Variants in EMCN observed in about 807,000 individuals in gnomAD.
EMCN encodes the protein endomucin.
EMCN carries 37 observed loss-of-function variants against 38.4 expected under a neutral mutation model. The ratio of observed to expected loss-of-function variants is 0.96; its 90% CI spans 0.74 to 1.27. The LOEUF is 1.27. Ranked by LOEUF, EMCN falls within the 50% of genes most tolerant of loss-of-function variation. The pLI is 0.00. For synonymous variants in EMCN, 95 were observed against 100.8 expected (o/e 0.94, Z 0.35); for missense variants, 318 against 302.8 (o/e 1.05, Z -0.37).
intron 1 of EMCN, among the ~76,000 whole-genome samples, chr4:100,505,748 C>G (rs1729465251): frequency 6.6e-6 from 1 of 152,054 alleles, no homozygotes; most frequent in Non-Finnish European, 1.5e-5. Flanking sequence ...TACTCTGCTC[C>G]CAGTACAGTT....
chr4:100,492,416 AC>A (rs1347536178), intron 1 of EMCN, among the ~76,000 whole-genome samples: 11 of 152,166 alleles, frequency 7.2e-5, no homozygotes, highest in African/African-American at 2.7e-4. Flanking sequence ...CCATTAAGAG[AC>A]CAAACATACA....
rs1726948543 is a variant in EMCN at position 100,423,409 on chromosome 4, A to G, written c.416-5T>C. 3.1e-6 allele frequency: 5 copies of G among 1,599,428 alleles called. No individual in the cohort carries two copies. Among genetic ancestry groups the G allele is most frequent in the Non-Finnish European group, 4.3e-6 (5 of 1,167,080 alleles). On this transcript the variant is annotated splice_polypyrimidine_tract_variant and splice_region_variant and intron_variant, in intron 5 of 11. Transcript: ENST00000296420. Reference sequence around the variant, plus strand: ...CATCTGGTTGTAGAACACTACCTGTATGAAAATTACAAATGCAGAATCAGG... The same window carrying G: ...CATCTGGTTGTAGAACACTACCTGTGTGAAAATTACAAATGCAGAATCAGG...
rs745411801 is a variant in EMCN, at chr4:100,421,388, TTGGAGACATTGTCAATTAGAG to T, written c.569-32_569-12del. On this transcript the variant is annotated splice_polypyrimidine_tract_variant and intron_variant, in intron 7 of 11. Coordinates refer to ENST00000296420, the MANE Select transcript of EMCN (RefSeq NM_016242.4). ...CCGGCAAAATAATACCTAAAAAGAA[TTGGAGACATTGTCAATTAGAG>T]TGGCTACTGAATTTCACAGCGATAG... 1 of 1,604,646 alleles carries T rather than the reference TTGGAGACATTGTCAATTAGAG, an allele frequency of 6.2e-7. No individual in the cohort carries two copies. Among genetic ancestry groups the T allele is most frequent in the African/African-American group, 1.3e-5 (1 of 74,686 alleles).
At chr4:100,436,438 T>C (rs1727354903) in intron 5 of EMCN, among the ~76,000 whole-genome samples, 1 of 152,176 alleles carries the variant, frequency 6.6e-6, no homozygotes, top group Non-Finnish European at 1.5e-5. Context: ...TCAACCATTG[T>C]GGAAGACAGT....
intron 5 of EMCN, among the ~76,000 whole-genome samples, chr4:100,427,274 A>G (rs1727075232): frequency 6.6e-6 from 1 of 151,138 alleles, no homozygotes; most frequent in Non-Finnish European, 1.5e-5. Flanking sequence ...TCTTTTTAAT[A>G]TTTCTTTTTA....
chr4:100,436,241 T>C (rs548097054), intron 5 of EMCN, among the ~76,000 whole-genome samples: 1 of 152,006 alleles, frequency 6.6e-6, no homozygotes, highest in Non-Finnish European at 1.5e-5. Context: ...AAGACATTCA[T>C]GCAGTCAACA....
chr4:100,424,467 T>C (rs2110220832), intron 5 of EMCN, among the ~76,000 whole-genome samples: 1 of 152,204 alleles, frequency 6.6e-6, no homozygotes, highest in Admixed American at 6.5e-5. Flanking sequence ...ATTGAGGCCA[T>C]GTATAATTGC....
Position 100,469,382 on chromosome 4 carries a change from G to A in EMCN, c.260-3843C>T, listed in dbSNP as rs561127604. Among the ~76,000 whole-genome samples, 4 of 152,138 alleles carry A rather than the reference G, an allele frequency of 2.6e-5. No homozygotes were observed. The South Asian group carries it at 8.3e-4, about 32-fold the overall frequency. On this transcript the variant is annotated intron_variant, in intron 3 of 11. Transcript: ENST00000296420. ...GGTATGGCCTCAGCAATTATTTTTG[G>A]ATATTACATCAAAAGCTCAGCTACA...
At chr4:100,455,626 A>C (rs1459660502) in intron 4 of EMCN, among the ~76,000 whole-genome samples, 1 of 150,424 alleles carries the variant, frequency 6.6e-6, no homozygotes, top group Non-Finnish European at 1.5e-5. Context: ...TTAATGTATA[A>C]TTTTTTTCAA....
intron 5 of EMCN, among the ~76,000 whole-genome samples, chr4:100,441,038 C>A (rs992177005): frequency 2.6e-5 from 4 of 151,462 alleles, no homozygotes; most frequent in Non-Finnish European, 5.9e-5. Context: ...CAGTGAGCTG[C>A]GATTGTGCCA....
chr4:100,424,900 G>T (rs1215445438), intron 5 of EMCN, among the ~76,000 whole-genome samples: 2 of 151,984 alleles, frequency 1.3e-5, no homozygotes, highest in African/African-American at 4.8e-5. Context: ...TTACCTTCCT[G>T]TAGACAGGCT....
In EMCN at chr4:100,503,667, C is replaced by T. The variant is rs1578236643; in HGVS notation, c.64+14184G>A. ...GATCATGGTTCATTGCAGCCTTGAC[C>T]TCCTGGGCTCAAGCAATCTTACCAC... is the stretch of plus-strand genomic sequence containing the variant. On this transcript the variant is annotated intron_variant, in intron 1 of 11. Coordinates refer to ENST00000296420, the MANE Select transcript of EMCN (RefSeq NM_016242.4). Among the ~76,000 whole-genome samples, 2 of 152,094 alleles carry T rather than the reference C, an allele frequency of 1.3e-5. 1 individual carries two copies. Among genetic ancestry groups the T allele is most frequent in the South Asian group, 4.1e-4 (2 of 4,826 alleles).
Position 100,475,047 on chromosome 4 carries a change from T to C in EMCN, c.250A>G (p.Lys84Glu). 6.6e-7 allele frequency: 1 copy of C among 1,519,344 alleles called. No homozygotes were observed. Among genetic ancestry groups the C allele is most frequent in the Non-Finnish European group, 9.0e-7 (1 of 1,115,746 alleles). The allele number at this position is 1,519,344 out of a possible 1,614,324, so 94.1% of individuals were successfully genotyped here. A position where few individuals can be genotyped will look rare whatever the true frequency, so the allele number is the denominator to read the frequency against. The change falls in exon 3 of 12, where the codon AAA becomes GAA. Residue 84 changes from lysine (K) to glutamate (E), a missense_variant. Lys to Glu is a moderately conservative substitution (Grantham distance 56). Coordinates refer to ENST00000296420, the MANE Select transcript of EMCN (RefSeq NM_016242.4). The part of the protein sequence containing the change: ...LMSTATFLTS[K>E]DEGLKATTTD... The stretch of plus-strand genomic sequence containing the variant: ...ATGAATCATTACTCACCTTCATCTT[T>C]ACTTGTTAAAAAAGTAGCTGTTGAC...
intron 4 of EMCN, among the ~76,000 whole-genome samples, chr4:100,462,965 T>A (rs1728222065): frequency 6.6e-6 from 1 of 152,168 alleles, no homozygotes; most frequent in African/African-American, 2.4e-5. Context: ...CTTAGAGATT[T>A]CCCAAGAAAA....
chr4:100,487,653 C>G (rs959620569), intron 1 of EMCN, among the ~76,000 whole-genome samples: 2 of 152,116 alleles, frequency 1.3e-5, no homozygotes, highest in Non-Finnish European at 2.9e-5. Context: ...GTGAGTGAGT[C>G]TCATGAAATC....
chr4:100,479,383 A>G (rs1034944416), intron 2 of EMCN, among the ~76,000 whole-genome samples: 12 of 152,038 alleles, frequency 7.9e-5, no homozygotes, highest in African/African-American at 2.9e-4. Context: ...TAATGGAAGT[A>G]TTCTAATGGC....
At chr4:100,416,346 G>T (rs1463141348) in intron 9 of EMCN, among the ~76,000 whole-genome samples, 1 of 152,148 alleles carries the variant, frequency 6.6e-6, no homozygotes, top group Non-Finnish European at 1.5e-5. Flanking sequence ...GGAAGACATA[G>T]AAATGTTTAC....
chr4:100,488,348 G>T (rs1728993484), intron 1 of EMCN, among the ~76,000 whole-genome samples: 1 of 152,178 alleles, frequency 6.6e-6, no homozygotes, highest in African/African-American at 2.4e-5. Flanking sequence ...GCCCAAAAGG[G>T]AATTGTGTAT....
intron 1 of EMCN, among the ~76,000 whole-genome samples, chr4:100,502,093 A>G (rs1729366666): frequency 6.6e-6 from 1 of 152,200 alleles, no homozygotes; most frequent in Admixed American, 6.5e-5. Context: ...GGCAGGATGC[A>G]GTGGGCTTAA....
Sources: gnomAD v4.1 joint callset for allele counts (sites outside exome capture counted in the v4.1 genomes callset) on GRCh38, gnomAD v4.1.1 for gene constraint, MANE v1.5 for transcripts, NCBI Gene and HGNC (gene_info 2026-07-23, HGNC 2026-07-21) for gene names.